The following FSTL4 variants were observed in gnomAD, a reference collection of about 807,000 sequenced individuals.
FSTL4 encodes follistatin like 4, also known as follistatin-related protein 4.
Under a neutral mutation model 78.2 loss-of-function variants are expected in FSTL4, and 28 were observed. The observed-to-expected ratio is 0.36, with a 90% CI of 0.27 to 0.49. FSTL4 has a LOEUF of 0.49. Ranked by LOEUF, FSTL4 falls within the 20% of genes least tolerant of loss-of-function variation. The pLI is 0.98. For missense variants in FSTL4, 922 were observed against 1,084.9 expected, an observed-to-expected ratio of 0.85 and a Z score of 2.11; for synonymous variants, 422 against 440.5, an observed-to-expected ratio of 0.96 and a Z score of 0.53.
chr5:133,323,883 G>A (rs934369031), intron 4 of FSTL4, among the ~76,000 whole-genome samples: 4 of 152,170 alleles, frequency 2.6e-5, no homozygotes, highest in African/African-American at 4.8e-5. Flanking sequence ...TCGCAGATCC[G>A]GCTAAGTTGT....
intron 2 of FSTL4, among the ~76,000 whole-genome samples, chr5:133,576,234 A>G (rs1000181702): frequency 1.3e-5 from 2 of 152,210 alleles, no homozygotes; most frequent in African/African-American, 4.8e-5. Flanking sequence ...CCCTAGGTCC[A>G]TCCCATGTCC....
At chr5:133,742,581 G>C in the FSTL4 span, among the ~76,000 whole-genome samples, 1 of 151,978 alleles carries the variant, frequency 6.6e-6, no homozygotes, top group Admixed American at 6.5e-5. Flanking sequence ...GACGTATGTG[G>C]GTACCTGTTA....
chr5:133,669,095 A>G, the FSTL4 span, among the ~76,000 whole-genome samples: 4 of 152,360 alleles, frequency 2.6e-5, no homozygotes, highest in South Asian at 8.3e-4. Context: ...GGATGCTTCA[A>G]TGATGGGATT....
chr5:133,201,825 G>T, intron 15 of FSTL4, 108 bp downstream of exon 15: 1 of 632,292 alleles, frequency 1.6e-6, no homozygotes, highest in Middle Eastern at 3.0e-4. Flanking sequence ...TCCAGCATGG[G>T]AGTGGAGGAG....
At chr5:133,785,777 G>A in the FSTL4 span, among the ~76,000 whole-genome samples, 2 of 152,146 alleles carry the variant, frequency 1.3e-5, no homozygotes, top group Non-Finnish European at 2.9e-5. Flanking sequence ...CTATGTCTGG[G>A]ACAGCCATGG....
At chr5:133,725,850 A>G in the FSTL4 span, among the ~76,000 whole-genome samples, 1 of 152,172 alleles carries the variant, frequency 6.6e-6, no homozygotes, top group African/African-American at 2.4e-5. Flanking sequence ...CCACTTGTTG[A>G]AACTAGGGAC....
intron 3 of FSTL4, among the ~76,000 whole-genome samples, chr5:133,466,243 G>A (rs1328047605): frequency 1.3e-5 from 2 of 152,170 alleles, no homozygotes; most frequent in Non-Finnish European, 1.5e-5. Context: ...AGAATTCCTT[G>A]GGACAAGAAC....
In FSTL4 at chr5:133,501,095, G is replaced by A. The variant is rs185381332; in HGVS notation, c.160+66091C>T. On this transcript the variant is annotated intron_variant, in intron 3 of 15. Transcript: ENST00000265342. ...CTCATGGTGGGAAATGTGCTTCTGG[G>A]GAAGATGAAAAGAGAGGGCAGATCA... Among the ~76,000 whole-genome samples the A allele has an allele frequency of 5.4e-3, 828 of 152,222 alleles. 14 individuals are homozygous for A. The highest frequency in any genetic ancestry group is 0.019 in the Admixed American group (293 of 15,294).
chr5:133,650,783 C>T, the FSTL4 span, among the ~76,000 whole-genome samples: 6 of 152,132 alleles, frequency 3.9e-5, no homozygotes, highest in African/African-American at 1.4e-4. Context: ...TTTTGCCCCT[C>T]CATATAAACT....
At chr5:133,496,769 TCAAACCA>T (rs1322876914) in intron 3 of FSTL4, among the ~76,000 whole-genome samples, 2 of 152,128 alleles carry the variant, frequency 1.3e-5, no homozygotes, top group Non-Finnish European at 2.9e-5. Flanking sequence ...TAAGGGACGC[TCAAACCA>T]CTTGCAACCA....
At chr5:133,268,279 G>C (rs1439557768) in intron 6 of FSTL4, among the ~76,000 whole-genome samples, 1 of 152,156 alleles carries the variant, frequency 6.6e-6, no homozygotes, top group African/African-American at 2.4e-5. Context: ...CAGGTCATCA[G>C]TTTACAGCAC....
At chr5:133,394,593 G>A (rs547903993) in intron 4 of FSTL4, among the ~76,000 whole-genome samples, 30 of 152,206 alleles carry the variant, frequency 2.0e-4, no homozygotes, top group Admixed American at 1.6e-3. Flanking sequence ...CTCCCCGCAG[G>A]GCAGGGCTTA....
At chr5:133,345,784 T>C (rs1004331287) in intron 4 of FSTL4, among the ~76,000 whole-genome samples, 4 of 152,220 alleles carry the variant, frequency 2.6e-5, no homozygotes, top group Non-Finnish European at 4.4e-5. Flanking sequence ...GTTTTTACAC[T>C]GTTGGTGGGA....
intron 6 of FSTL4, among the ~76,000 whole-genome samples, chr5:133,295,439 C>G (rs919614595): frequency 7.9e-5 from 12 of 152,290 alleles, no homozygotes; most frequent in African/African-American, 2.9e-4. Context: ...CACAGACATG[C>G]CGGTTGCTCA....
intron 4 of FSTL4, among the ~76,000 whole-genome samples, chr5:133,349,295 C>CTGTGTGTGTGTGTGTG (rs1554107119): frequency 1.1e-4 from 16 of 139,770 alleles, no homozygotes; most frequent in East Asian, 1.1e-3. Context: ...GCCTCTCTCT[C>CTGTGTGTGTGTGTGTG]TGTGTGTGTG....
the FSTL4 span, among the ~76,000 whole-genome samples, chr5:133,657,716 T>G: frequency 6.6e-6 from 1 of 152,012 alleles, no homozygotes; most frequent in African/African-American, 2.4e-5. Context: ...CTCAACACTA[T>G]TTTAAGATCT....
In FSTL4 at chr5:133,198,816, G is replaced by T; in HGVS notation, c.*279C>A. 3.3e-6 allele frequency: 1 copy of T among 301,744 alleles called. No individual in the cohort carries two copies. The highest frequency in any genetic ancestry group is 6.1e-6 in the Non-Finnish European group (1 of 162,694). The allele number at this position is 301,744 out of a possible 1,614,324, so 18.7% of individuals were successfully genotyped here. On this transcript the variant is annotated 3_prime_UTR_variant, in exon 16 of 16. Coordinates refer to ENST00000265342, the MANE Select transcript of FSTL4 (RefSeq NM_015082.2). ...TCCCTTGGTTCCATGATGTCCCCAG[G>T]TCACTCGGTGTGCAGCTTGGCACAG... is the stretch of plus-strand genomic sequence containing the variant.
chr5:133,611,847 C>G lies in FSTL4; in HGVS notation c.-11+478G>C, dbSNP rs1290840208. Reference sequence around the variant, plus strand: ...GGGAGGAGGTGCTGAGAATGCCTGCCCGGCGCCCCAACCCGGAGCCAAGGG... The same window carrying G: ...GGGAGGAGGTGCTGAGAATGCCTGCGCGGCGCCCCAACCCGGAGCCAAGGG... On this transcript the variant is annotated intron_variant, in intron 1 of 15. Transcript: ENST00000265342. The surrounding 1 kb of genome is among the most constrained non-coding windows in gnomAD (Gnocchi z 4.9). Among the ~76,000 whole-genome samples the G allele has an allele frequency of 1.3e-5, 2 of 152,162 alleles. No individual in the cohort carries two copies. The highest frequency in any genetic ancestry group is 1.9e-4 in the East Asian group (1 of 5,160).
chr5:133,723,728 T>A, the FSTL4 span, among the ~76,000 whole-genome samples: 4 of 152,148 alleles, frequency 2.6e-5, no homozygotes, highest in Admixed American at 2.6e-4. Context: ...TGTGGCTACA[T>A]GGATCAGTGA....
Sources: allele counts gnomAD v4.1 joint callset (sites outside exome capture counted in the v4.1 genomes callset), GRCh38; gene constraint gnomAD v4.1.1; non-coding constraint Gnocchi (gnomAD v3.1); transcripts MANE v1.5; gene names NCBI Gene and HGNC (gene_info 2026-07-23, HGNC 2026-07-21).